Variants in NOP9 observed in about 807,000 individuals in gnomAD.
The protein encoded by NOP9 is nucleolar protein 9.
In NOP9, 50 loss-of-function variants were observed where a neutral mutation model predicts 63.0. The ratio of observed to expected loss-of-function variants is 0.79; its 90% CI spans 0.63 to 1.00. The LOEUF (loss-of-function observed/expected upper bound fraction) is 1.00. NOP9 is among the 50% of genes least tolerant of loss of function. The pLI is 0.00. For synonymous variants in NOP9, 343 were observed against 332.8 expected (o/e 1.03, Z -0.33); for missense variants, 758 against 803.0 (o/e 0.94, Z 0.68).
intron 2 of NOP9, among the ~76,000 whole-genome samples, chr14:24,301,404 T>G (rs1161979752): frequency 1.3e-5 from 2 of 152,206 alleles, no homozygotes; most frequent in African/African-American, 4.8e-5. Flanking sequence ...TTGAACTGTC[T>G]TCTGTGGACC....
chr14:24,302,985 T>C (rs1161216492), intron 5 of NOP9, 89 bp from the exon 6 acceptor site: 1 of 1,412,444 alleles, frequency 7.1e-7, no homozygotes, highest in African/African-American at 1.5e-5. Flanking sequence ...TATCTAGCAT[T>C]TTTAGTTGTT....
the NOP9 span, among the ~76,000 whole-genome samples, chr14:24,286,697 A>C: frequency 6.6e-6 from 1 of 151,812 alleles, no homozygotes; most frequent in South Asian, 2.1e-4. Context: ...GGTTCACGCC[A>C]TTCTCCTGCC....
upstream of NOP9, chr14:24,296,730 A>G (rs1566404862): frequency 6.2e-7 from 1 of 1,614,186 alleles, no homozygotes; most frequent in Non-Finnish European, 8.5e-7. Flanking sequence ...ACAAAGTTCA[A>G]AGGGTACCTG....
chr14:24,292,119 T>C, the NOP9 span: 1 of 1,600,098 alleles, frequency 6.2e-7, no homozygotes, highest in Non-Finnish European at 8.6e-7. Context: ...GTATCTGATC[T>C]TGTTATTGAG....
rs1166635557 is a variant in NOP9, at chr14:24,304,491, A to G, written c.1648-2A>G. Reference sequence around the variant, plus strand: ...AGACCTACTTTGCTTGTCTCCATACAGGGACAATATGTGGCTCTGGCCTGT... The same window carrying G: ...AGACCTACTTTGCTTGTCTCCATACGGGGACAATATGTGGCTCTGGCCTGT... On this transcript the variant is annotated splice_acceptor_variant, in intron 8 of 9. Transcript: ENST00000267425. LOFTEE classifies it high-confidence loss of function. 5.0e-6 allele frequency: 8 copies of G among 1,604,786 alleles called. No homozygotes were observed. Among genetic ancestry groups the G allele is most frequent in the Non-Finnish European group, 5.1e-6 (6 of 1,176,828 alleles).
At chr14:24,286,983 G>A in the NOP9 span, among the ~76,000 whole-genome samples, 19,618 of 150,968 alleles carry the variant, frequency 0.13, 1,841 homozygotes, top group East Asian at 0.53. Context: ...TCTGCCTCCC[G>A]GGTTCAAGCG....
chr14:24,283,014 C>T, the NOP9 span, among the ~76,000 whole-genome samples: 55 of 152,342 alleles, frequency 3.6e-4, no homozygotes, highest in African/African-American at 1.3e-3. Context: ...CTGCAGAACT[C>T]TCAGCACATG....
chr14:24,284,879 AC>A, the NOP9 span, among the ~76,000 whole-genome samples: 3 of 151,806 alleles, frequency 2.0e-5, no homozygotes, highest in African/African-American at 7.3e-5. Context: ...CCTGGATCGC[AC>A]CCCACTGTCA....
At chr14:24,290,256 C>T in the NOP9 span, among the ~76,000 whole-genome samples, 3 of 152,236 alleles carry the variant, frequency 2.0e-5, no homozygotes, top group Non-Finnish European at 4.4e-5. Context: ...TCCCCAAGTT[C>T]CAGGAAATCA....
At position 24,308,002 on chromosome 14, in the gene NOP9, C is replaced by G. The variant is rs192460331; in HGVS notation, c.*2907C>G. Reference sequence around the variant, plus strand: ...TGAGTCAAGCCTGGACTCTGGCCCCCCTGCCTGGCCAGTAAGAAGGGCAAA... The same window carrying G: ...TGAGTCAAGCCTGGACTCTGGCCCCGCTGCCTGGCCAGTAAGAAGGGCAAA... On this transcript the variant is annotated 3_prime_UTR_variant, in exon 10 of 10. Transcript: ENST00000267425. The G allele has an allele frequency of 9.4e-6, 7 of 743,186 alleles. No individual in the cohort carries two copies. The highest frequency in any genetic ancestry group is 2.7e-5 in the East Asian group (1 of 36,572). 46.0% of individuals were successfully genotyped at this position (743,186 alleles called of 1,614,324 possible). A position where few individuals can be genotyped will look rare whatever the true frequency, so the allele number is the denominator to read the frequency against.
At chr14:24,291,414 T>G in the NOP9 span, 1 of 1,095,080 alleles carries the variant, frequency 9.1e-7, no homozygotes, top group Non-Finnish European at 1.4e-6. Flanking sequence ...AAACTGGGAA[T>G]GCTGACCCCT....
the NOP9 span, among the ~76,000 whole-genome samples, chr14:24,281,050 T>C: frequency 6.6e-6 from 1 of 152,136 alleles, no homozygotes; most frequent in Non-Finnish European, 1.5e-5. Context: ...GAGTCCCCTG[T>C]GGGCCCAATC....
chr14:24,301,525 C>G (rs1594618524), intron 2 of NOP9, 87 bp from the exon 3 acceptor site: 1 of 1,551,118 alleles, frequency 6.4e-7, no homozygotes, highest in African/African-American at 1.4e-5. Context: ...CATCTCCAAG[C>G]GGAATCCTTG....
At position 24,299,972 on chromosome 14, in the gene NOP9, C is replaced by T; in HGVS notation, c.18C>T (p.Arg6=). Residue 6 remains arginine, a synonymous_variant, in exon 1 of 10, where the codon CGC becomes CGT. Transcript: ENST00000267425. MGQGP[R]SPHKVGRRFP... ...AAGCACACATGGGGCAGGGTCCGCG[C>T]TCTCCACACAAGGTGGGGCGCCGGT... is the stretch of plus-strand genomic sequence containing the variant. 6.3e-7 allele frequency: 1 copy of T among 1,576,970 alleles called. No individual in the cohort carries two copies. The highest frequency in any genetic ancestry group is 8.6e-7 in the Non-Finnish European group (1 of 1,161,404).
rs2041392263 is a variant in NOP9 at position 24,302,289 on chromosome 14, G to A, written c.1008G>A (p.Leu336=). 2 of 1,614,044 alleles carry A rather than the reference G, an allele frequency of 1.2e-6. No individual in the cohort carries two copies. Among genetic ancestry groups the A allele is most frequent in the Non-Finnish European group, 1.7e-6 (2 of 1,180,014 alleles). Residue 336 remains leucine, a synonymous_variant, in exon 5 of 10, where the codon CTG becomes CTA. Transcript: ENST00000267425. The stretch of plus-strand genomic sequence containing the variant: ...GTTCCAGACTCCTGGAGCAGGTCCT[G>A]CTGGTGTTGGAGCCCCCAAGACTCC... The part of the protein sequence containing the change: ...QTSSRLLEQV[L]LVLEPPRLQS...
At chr14:24,302,550 T>C in intron 5 of NOP9, 126 bp downstream of exon 5, 3 of 978,062 alleles carry the variant, frequency 3.1e-6, no homozygotes, top group Non-Finnish European at 2.9e-6. Context: ...AAGCTATTCT[T>C]TGAGGTTTTC....
chr14:24,291,671 C>T, the NOP9 span: 1 of 1,561,044 alleles, frequency 6.4e-7, no homozygotes, highest in South Asian at 1.1e-5. Context: ...TCCAAGAGCA[C>T]TGCCCAGGTC....
At chr14:24,291,683 C>T in the NOP9 span, 1 of 1,525,850 alleles carries the variant, frequency 6.6e-7, no homozygotes. Context: ...GCCCAGGTCT[C>T]CTCCCCATTT....
chr14:24,299,712 T>G, upstream of NOP9: 1 of 482,252 alleles, frequency 2.1e-6, no homozygotes. Flanking sequence ...CCGGGGCGAT[T>G]CTGTGCTGAG....
Sources: allele counts gnomAD v4.1 joint callset (sites outside exome capture counted in the v4.1 genomes callset), GRCh38; gene constraint gnomAD v4.1.1; transcripts MANE v1.5; gene names NCBI Gene and HGNC (gene_info 2026-07-23, HGNC 2026-07-21).